ITPA: variants seen among roughly 807,000 people sequenced by gnomAD.
The protein encoded by ITPA is inosine triphosphate pyrophosphatase.
Under a neutral mutation model 29.6 loss-of-function variants are expected in ITPA, and 29 were observed. The ratio of observed to expected loss-of-function variants is 0.98; its 90% confidence interval spans 0.73 to 1.34. The LOEUF is 1.34. Among genes scored for constraint, ITPA ranks in the 40% most tolerant of loss-of-function variants. The probability of loss-of-function intolerance (pLI) is 0.00; values close to 1 mark genes in which losing one functional copy is unlikely to be tolerated. For missense variants in ITPA, 241 were observed against 251.5 expected (o/e 0.96, Z 0.28); for synonymous variants, 103 against 99.3 (o/e 1.04, Z -0.22).
chr20:3,204,695 T>G (rs2067058864), upstream of ITPA: 9 of 1,472,690 alleles, frequency 6.1e-6, no homozygotes, highest in Non-Finnish European at 7.3e-6. Flanking sequence ...CCCGCCCCTA[T>G]TTCCCAATCT....
At position 3,220,984 on chromosome 20, in the gene ITPA, C is replaced by CTCTT. The variant is rs201969948; in HGVS notation, c.412-856_412-853dup. On this transcript the variant is annotated intron_variant, in intron 6 of 7. Coordinates refer to ENST00000380113, the MANE Select transcript of ITPA (RefSeq NM_033453.4). Reference sequence around the variant, plus strand: ...GATCACAGCTCACTGCAGCCTCGACCTCTTGGGCTCAAGCAGTCTTCCCAC... The same window carrying CTCTT: ...GATCACAGCTCACTGCAGCCTCGACCTCTTTCTTGGGCTCAAGCAGTCTTCCCAC... 4.3e-4 allele frequency among the ~76,000 whole-genome samples: 66 copies of CTCTT among 152,264 alleles called. No homozygotes were observed. The East Asian group carries it at 0.013, about 29-fold the overall frequency.
chr20:3,219,102 T>C (rs1301383156), intron 6 of ITPA: 5 of 165,004 alleles, frequency 3.0e-5, no homozygotes, highest in African/African-American at 7.2e-5. Context: ...CCCAGACTTC[T>C]CTAACCTCAG....
At chr20:3,220,909 G>GTGTT (rs1399777906) in intron 6 of ITPA, among the ~76,000 whole-genome samples, 4 of 151,826 alleles carry the variant, frequency 2.6e-5, no homozygotes, top group East Asian at 1.9e-4. Context: ...GTTTTTTGGA[G>GTGTT]TGTTTGTTTG....
chr20:3,204,529 T>C (rs1382909553), upstream of ITPA: 1 of 1,556,086 alleles, frequency 6.4e-7, no homozygotes, highest in African/African-American at 1.3e-5. Flanking sequence ...TGCAGCGGCA[T>C]CTCCTACCTG....
upstream of ITPA, chr20:3,204,619 C>T (rs760307305): frequency 2.4e-5 from 38 of 1,587,064 alleles, no homozygotes; most frequent in Non-Finnish European, 3.0e-5. Context: ...ACCACACAGG[C>T]GCCACCATGA....
At chr20:3,219,048 T>A (rs935602609) in intron 6 of ITPA, 21 of 217,774 alleles carry the variant, frequency 9.6e-5, no homozygotes, top group Admixed American at 4.2e-4. Flanking sequence ...TTATTTATTT[T>A]TTGTTAGTGA....
At chr20:3,222,719 G>T (rs1429518537) in intron 7 of ITPA, among the ~76,000 whole-genome samples, 8 of 152,190 alleles carry the variant, frequency 5.3e-5, no homozygotes, top group Non-Finnish European at 1.2e-4. Context: ...GGAGCGCAGT[G>T]TGAGGCCCCA....
intron 6 of ITPA, among the ~76,000 whole-genome samples, chr20:3,220,945 T>C (rs1456079494): frequency 6.6e-6 from 1 of 152,146 alleles, no homozygotes; most frequent in East Asian, 1.9e-4. Context: ...TGTCTCTGTC[T>C]GTCGCCCGGA....
In ITPA at chr20:3,218,815, G is replaced by C. The variant is rs2067383393; in HGVS notation, c.411+183G>C. 3 of 655,316 alleles carry C rather than the reference G, an allele frequency of 4.6e-6. No individual in the cohort carries two copies. The East Asian group carries it at 8.3e-5, about 18-fold the overall frequency. The allele number at this position is 655,316 out of a possible 1,614,324, so 40.6% of individuals were successfully genotyped here. On this transcript the variant is annotated intron_variant, in intron 6 of 7. Transcript: ENST00000380113. ...GAAGTGCTGTGGATCCTAGGAGGGT[G>C]GTGGAAAGGGTTCCCTGGGGCCAGA...
In ITPA at chr20:3,221,827, C is replaced by T; in HGVS notation, c.412-14C>T. The T allele has an allele frequency of 1.9e-6, 3 of 1,613,978 alleles. No individual in the cohort carries two copies. The highest frequency in any genetic ancestry group is 2.2e-5 in the South Asian group (2 of 91,086). On this transcript the variant is annotated splice_polypyrimidine_tract_variant and intron_variant, in intron 6 of 7. Transcript: ENST00000380113. ...GGACCCAGTTACACACCTGTCCCCC[C>T]TTTCCTGTGGCAGGGCCGGATCGTG...
At position 3,223,387 on chromosome 20, in the gene ITPA, G is replaced by A. The variant is rs374703513; in HGVS notation, c.510G>A (p.Ala170=). The change falls in exon 8 of 8, where the codon GCG becomes GCA. Residue 170 remains alanine, a synonymous_variant. Transcript: ENST00000380113. ...YEQTYAEMPK[A]EKNAVSHRFR... ...TCAGGTACGCAGAGATGCCTAAGGC[G>A]GAGAAGAACGCTGTCTCCCATCGCT... 2.1e-5 allele frequency: 34 copies of A among 1,613,710 alleles called. No homozygotes were observed. Among genetic ancestry groups the A allele is most frequent in the African/African-American group, 9.3e-5 (7 of 74,932 alleles).
chr20:3,211,280 C>T (rs1432322766), intron 1 of ITPA, among the ~76,000 whole-genome samples: 1 of 149,240 alleles, frequency 6.7e-6, no homozygotes. Context: ...ATTCTCCTGC[C>T]TCAGCCTCCC....
intron 1 of ITPA, among the ~76,000 whole-genome samples, chr20:3,211,076 A>G (rs563034895): frequency 2.8e-4 from 41 of 145,036 alleles, no homozygotes; most frequent in African/African-American, 9.1e-4. Flanking sequence ...AAAAAAAAAA[A>G]AAGAAGAAGA....
rs893614068 is a variant in ITPA at position 3,221,617 on chromosome 20, G to A, written c.412-224G>A. ...TGGCCCCGGAGGTGCTGGTGGTCCT[G>A]TGGGTCCATGCCTCCTCCCTGTGTG... On this transcript the variant is annotated intron_variant, in intron 6 of 7. Coordinates refer to ENST00000380113, the MANE Select transcript of ITPA (RefSeq NM_033453.4). 6 of 632,172 alleles carry A rather than the reference G, an allele frequency of 9.5e-6. No individual in the cohort carries two copies. In the African/African-American group the frequency reaches 1.1e-4, roughly 11 times the overall value. The allele number at this position is 632,172 out of a possible 1,614,324, so 39.2% of individuals were successfully genotyped here. A position where few individuals can be genotyped will look rare whatever the true frequency, so the allele number is the denominator to read the frequency against.
chr20:3,225,728 T>TA (rs1010767784), downstream of ITPA, among the ~76,000 whole-genome samples: 94 of 152,104 alleles, frequency 6.2e-4, no homozygotes, highest in African/African-American at 2.2e-3. Flanking sequence ...CCTTAAAAAA[T>TA]AAAAAAATAA....
chr20:3,214,147 T>C (rs953540850), intron 4 of ITPA, 89 bp downstream of exon 4: 3 of 1,098,112 alleles, frequency 2.7e-6, no homozygotes, highest in East Asian at 2.4e-5. Flanking sequence ...CTGCAGGTCA[T>C]TCCCTGTCTT....
At chr20:3,213,584 C>T (rs1053551133) in intron 3 of ITPA, among the ~76,000 whole-genome samples, 1 of 152,142 alleles carries the variant, frequency 6.6e-6, no homozygotes, top group African/African-American at 2.4e-5. Flanking sequence ...TCCCCCAGAC[C>T]ACCACCATAC....
chr20:3,212,609 C>G (rs898926561), intron 1 of ITPA, among the ~76,000 whole-genome samples: 1 of 152,116 alleles, frequency 6.6e-6, no homozygotes, highest in African/African-American at 2.4e-5. Context: ...GCGTGAGCCA[C>G]AGGACCCAGC....
rs1460955138 is a variant in ITPA, at chr20:3,220,630, C to G, written c.412-1211C>G. 2.0e-5 allele frequency among the ~76,000 whole-genome samples: 3 copies of G among 152,026 alleles called. No homozygotes were observed. The East Asian group carries it at 5.8e-4, about 29-fold the overall frequency. Reference sequence around the variant, plus strand: ...GTGGCATGACTACCGTTCATAGCAGCCTTGATCTCTCAGGCTCAAGTCATC... The same window carrying G: ...GTGGCATGACTACCGTTCATAGCAGGCTTGATCTCTCAGGCTCAAGTCATC... On this transcript the variant is annotated intron_variant, in intron 6 of 7. Transcript: ENST00000380113.
Sources: allele counts gnomAD v4.1 joint callset (sites outside exome capture counted in the v4.1 genomes callset), GRCh38; gene constraint gnomAD v4.1.1; transcripts MANE v1.5; gene names NCBI Gene and HGNC (gene_info 2026-07-23, HGNC 2026-07-21).